The following SMIM21 variants were observed in gnomAD, a reference collection of about 807,000 sequenced individuals.
SMIM21 encodes the protein small integral membrane protein 21, also known as chromosome 18 open reading frame 62.
A neutral mutation model predicts 8.6 loss-of-function variants in SMIM21; 8 were observed. That is an observed-to-expected ratio of 0.93 (90% CI 0.55 to 1.68). The LOEUF is 1.68. Ranked by LOEUF, SMIM21 falls within the 40% of genes most tolerant of loss-of-function variation. The probability of loss-of-function intolerance (pLI) is 0.00; values close to 1 mark genes in which losing one functional copy is unlikely to be tolerated. For synonymous variants in SMIM21, 43 were observed against 41.7 expected, an observed-to-expected ratio of 1.03 and a Z score of -0.12; for missense variants, 132 against 123.0, an observed-to-expected ratio of 1.07 and a Z score of -0.35.
intron 2 of SMIM21, among the ~76,000 whole-genome samples, chr18:75,412,943 T>G (rs2024599067): frequency 6.6e-6 from 1 of 152,240 alleles, no homozygotes; most frequent in Non-Finnish European, 1.5e-5. Flanking sequence ...AACTCTTATT[T>G]GAATCCAATG....
intron 2 of SMIM21, among the ~76,000 whole-genome samples, chr18:75,412,876 T>G (rs1199493200): frequency 6.6e-6 from 1 of 152,180 alleles, no homozygotes; most frequent in African/African-American, 2.4e-5. Context: ...TCCCCCAGTC[T>G]CATTGCTGTT....
intron 2 of SMIM21, among the ~76,000 whole-genome samples, chr18:75,413,221 C>T (rs2024601946): frequency 1.3e-5 from 2 of 152,194 alleles, no homozygotes; most frequent in Admixed American, 1.3e-4. Context: ...TCTTTACTCC[C>T]CATTTGAGCC....
intron 2 of SMIM21, among the ~76,000 whole-genome samples, chr18:75,413,217 C>T (rs1436390256): frequency 6.6e-6 from 1 of 152,182 alleles, no homozygotes; most frequent in Admixed American, 6.5e-5. Flanking sequence ...TCTTTCTTTA[C>T]TCCCCATTTG....
chr18:75,411,643 G>A (rs1384838952), intron 2 of SMIM21, among the ~76,000 whole-genome samples: 1 of 152,204 alleles, frequency 6.6e-6, no homozygotes, highest in Non-Finnish European at 1.5e-5. Flanking sequence ...ACGCTGGCAT[G>A]GCATCCAGAA....
At chr18:75,423,234 T>G (rs983659586) in intron 1 of SMIM21, among the ~76,000 whole-genome samples, 2 of 152,244 alleles carry the variant, frequency 1.3e-5, no homozygotes, top group African/African-American at 4.8e-5. Context: ...TTGAAGTGTT[T>G]CCCAAAACAG....
chr18:75,427,199 C>G (rs1048792804), intron 1 of SMIM21, among the ~76,000 whole-genome samples: 5 of 152,082 alleles, frequency 3.3e-5, no homozygotes, highest in Admixed American at 3.3e-4. Flanking sequence ...GGGCCCAGTA[C>G]CTTTTCTGAA....
At chr18:75,423,916 C>T (rs111615692) in intron 1 of SMIM21, among the ~76,000 whole-genome samples, 216 of 152,188 alleles carry the variant, frequency 1.4e-3, no homozygotes, top group East Asian at 4.4e-3. Flanking sequence ...TTTAGTGACA[C>T]GTTTTTGGAA....
chr18:75,422,713 G>A (rs1323589808), intron 1 of SMIM21, among the ~76,000 whole-genome samples: 1 of 152,198 alleles, frequency 6.6e-6, no homozygotes, highest in Non-Finnish European at 1.5e-5. Context: ...AGTCACAAAA[G>A]ACCACATGTT....
chr18:75,425,909 C>G (rs553994911), intron 1 of SMIM21, among the ~76,000 whole-genome samples: 22 of 152,236 alleles, frequency 1.4e-4, no homozygotes, highest in Admixed American at 1.4e-3. Flanking sequence ...GGTGGGGGCC[C>G]CTGCCTCTCC....
At chr18:75,412,044 C>T (rs1390088186) in intron 2 of SMIM21, among the ~76,000 whole-genome samples, 1 of 152,208 alleles carries the variant, frequency 6.6e-6, no homozygotes, top group Non-Finnish European at 1.5e-5. Context: ...TCTGCTGCTA[C>T]ACACTGAGGG....
chr18:75,427,284 TG>T, intron 1 of SMIM21, 150 bp downstream of exon 1: 1 of 912,692 alleles, frequency 1.1e-6, no homozygotes, highest in Non-Finnish European at 1.6e-6. Flanking sequence ...GAAAGAGCTC[TG>T]GATTGACGTC....
At chr18:75,415,824 G>C (rs118004404) in intron 2 of SMIM21, among the ~76,000 whole-genome samples, 5,132 of 152,190 alleles carry the variant, frequency 0.034, 123 homozygotes, top group Non-Finnish European at 0.049. Context: ...ATAATATTCA[G>C]CTTAATGGTG....
chr18:75,422,351 GT>G (rs201515508), intron 1 of SMIM21, among the ~76,000 whole-genome samples: 68 of 146,942 alleles, frequency 4.6e-4, no homozygotes, highest in African/African-American at 1.1e-3. Flanking sequence ...TTAACCCCCA[GT>G]TTTTTTTTTT....
rs184607067 is a variant in SMIM21 at position 75,410,691 on chromosome 18, A to G, written c.*173T>C. 1.2e-5 allele frequency: 17 copies of G among 1,420,538 alleles called. No homozygotes were observed. The highest frequency in any genetic ancestry group is 3.8e-4 in the Middle Eastern group (2 of 5,260). 88.0% of individuals were successfully genotyped at this position (1,420,538 alleles called of 1,614,324 possible). ...GAAGAGTGCCCCTCAAGAACAAAGC[A>G]GACATTATCATTGCAAAAAGTTACA... is the stretch of plus-strand genomic sequence containing the variant. On this transcript the variant is annotated 3_prime_UTR_variant, in exon 3 of 3. Transcript: ENST00000579022.
intron 2 of SMIM21, among the ~76,000 whole-genome samples, chr18:75,413,659 C>T (rs1161505022): frequency 6.6e-6 from 1 of 152,182 alleles, no homozygotes; most frequent in African/African-American, 2.4e-5. Context: ...TCCACTTCCC[C>T]CACCTTGCAA....
chr18:75,418,989 C>A, intron 1 of SMIM21, 73 bp from the exon 2 acceptor site: 2 of 878,760 alleles, frequency 2.3e-6, no homozygotes, highest in East Asian at 2.5e-5. Context: ...AAGCAGCTAA[C>A]TCTTTGTCAA....
intron 1 of SMIM21, among the ~76,000 whole-genome samples, chr18:75,427,116 T>A (rs2024772335): frequency 6.6e-6 from 1 of 152,154 alleles, no homozygotes; most frequent in Non-Finnish European, 1.5e-5. Flanking sequence ...CTTGCATCTG[T>A]GTTAAGAGGC....
intron 1 of SMIM21, 164 bp from the exon 2 acceptor site, chr18:75,419,080 T>C (rs2024682563): frequency 2.2e-6 from 1 of 460,188 alleles, no homozygotes; most frequent in East Asian, 3.2e-5. Context: ...GTGGTTTTTA[T>C]TGAGTTATAA....
intron 1 of SMIM21, among the ~76,000 whole-genome samples, chr18:75,421,865 C>A (rs2024711746): frequency 6.6e-6 from 1 of 152,146 alleles, no homozygotes. Context: ...AAATACCTAA[C>A]CTCATTCAGG....
Sources: gnomAD v4.1 joint callset for allele counts (sites outside exome capture counted in the v4.1 genomes callset) on GRCh38, gnomAD v4.1.1 for gene constraint, MANE v1.5 for transcripts, NCBI Gene and HGNC (gene_info 2026-07-23, HGNC 2026-07-21) for gene names.